The following PRDM5 variants were observed in gnomAD, a reference collection of about 807,000 sequenced individuals.
PRDM5 encodes PR/SET domain 5, also known as PR domain zinc finger protein 5.
A neutral mutation model predicts 81.2 loss-of-function variants in PRDM5; 56 were observed. The ratio of observed to expected loss-of-function variants is 0.69; its 90% CI spans 0.56 to 0.86. PRDM5 has a LOEUF of 0.86. PRDM5 is among the 40% of genes least tolerant of loss of function. The pLI is 0.00. For missense variants in PRDM5, 697 were observed against 770.1 expected (o/e 0.91, Z 1.12); for synonymous variants, 267 against 256.4 (o/e 1.04, Z -0.39).
chr4:120,779,688 G>A (rs1014202936), intron 12 of PRDM5, among the ~76,000 whole-genome samples: 1 of 152,062 alleles, frequency 6.6e-6, no homozygotes, highest in African/African-American at 2.4e-5. Context: ...CATCATTTGA[G>A]GTCAAGAGTT....
intron 13 of PRDM5, among the ~76,000 whole-genome samples, chr4:120,755,854 C>A (rs76491002): frequency 0.1 from 15,293 of 152,218 alleles, 993 homozygotes; most frequent in East Asian, 0.21. Flanking sequence ...CCCTGCCAAG[C>A]GACATTTTCC....
chr4:120,706,682 A>T lies in PRDM5; in HGVS notation c.1728+3627T>A, dbSNP rs145183084. Among the ~76,000 whole-genome samples, 364 of 117,160 alleles carry T rather than the reference A, an allele frequency of 3.1e-3. 1 individual carries two copies. The highest frequency in any genetic ancestry group is 0.011 in the African/African-American group (341 of 30,674). 76.9% of individuals were successfully genotyped at this position (117,160 alleles called of 152,430 possible). Reference sequence around the variant, plus strand: ...CTAAGAGGTTAAAGTAGTATTGATGAGTAACGTGTCATTTGGGCAAAACTG... The same window carrying T: ...CTAAGAGGTTAAAGTAGTATTGATGTGTAACGTGTCATTTGGGCAAAACTG... On this transcript the variant is annotated intron_variant, in intron 15 of 15. Transcript: ENST00000264808.
intron 2 of PRDM5, among the ~76,000 whole-genome samples, chr4:120,854,655 T>C (rs1008044366): frequency 1.3e-5 from 2 of 152,076 alleles, no homozygotes; most frequent in Admixed American, 1.3e-4. Flanking sequence ...CCAGAGCACA[T>C]GGAACTTAAA....
intron 1 of PRDM5, among the ~76,000 whole-genome samples, chr4:120,915,045 A>G (rs1723960995): frequency 6.6e-6 from 1 of 152,188 alleles, no homozygotes; most frequent in South Asian, 2.1e-4. Flanking sequence ...ATTGGATTTA[A>G]TATACATTAC....
At chr4:120,825,951 G>C (rs192987225) in intron 3 of PRDM5, among the ~76,000 whole-genome samples, 12 of 152,110 alleles carry the variant, frequency 7.9e-5, no homozygotes, top group Admixed American at 7.2e-4. Flanking sequence ...GAGAGTCCTG[G>C]GCAAACTAGG....
chr4:120,821,103 C>T lies in PRDM5; in HGVS notation c.475+68G>A, dbSNP rs542082266. The T allele has an allele frequency of 3.3e-6, 5 of 1,530,940 alleles. No individual in the cohort carries two copies. The African/African-American group carries it at 6.8e-5, about 21-fold the overall frequency. The allele number at this position is 1,530,940 out of a possible 1,614,324, so 94.8% of individuals were successfully genotyped here. Reference sequence around the variant, plus strand: ...ATATTACAAGGCAACTATAATTCAACCACAGTTTAAACTACACTTTTTTCT... The same window carrying T: ...ATATTACAAGGCAACTATAATTCAATCACAGTTTAAACTACACTTTTTTCT... On this transcript the variant is annotated intron_variant, in intron 4 of 15. Transcript: ENST00000264808.
intron 3 of PRDM5, among the ~76,000 whole-genome samples, chr4:120,839,981 G>A (rs1463192120): frequency 6.6e-6 from 1 of 152,242 alleles, no homozygotes; most frequent in Admixed American, 6.5e-5. Flanking sequence ...GCCCCACATT[G>A]CTCTGAGATC....
In PRDM5 at chr4:120,686,346, T is replaced by C. The variant is rs191564642; in HGVS notation, n.104-1321A>G. Among the ~76,000 whole-genome samples the C allele has an allele frequency of 7.9e-5, 12 of 152,282 alleles. No homozygotes were observed. In the East Asian group the frequency reaches 2.3e-3, roughly 29 times the overall value. ...AATTGTGGACTTATATAGCTTTGAG[T>C]ATCAACTAAAATATATTTTGTAACT... On this transcript the variant is annotated intron_variant and non_coding_transcript_variant, in intron 1 of 1. Transcript: ENST00000513741.
intron 14 of PRDM5, among the ~76,000 whole-genome samples, chr4:120,744,295 A>T (rs1742621140): frequency 1.3e-5 from 2 of 152,344 alleles, no homozygotes; most frequent in East Asian, 3.9e-4. Context: ...GTAGAGAGAA[A>T]TTTATAGCAC....
At chr4:120,917,939 C>CAAG (rs1273002455) in intron 1 of PRDM5, among the ~76,000 whole-genome samples, 2 of 152,120 alleles carry the variant, frequency 1.3e-5, no homozygotes, top group Non-Finnish European at 2.9e-5. Flanking sequence ...ATGTAACCTT[C>CAAG]CTCAACATCA....
At chr4:120,686,969 A>G, downstream of PRDM5, among the ~76,000 whole-genome samples, 1 of 152,026 alleles carries the variant, frequency 6.6e-6, no homozygotes, top group East Asian at 1.9e-4. Context: ...TTGTAATATG[A>G]CCTCCAGTAA....
At chr4:120,698,149 T>C (rs1262933746) in intron 15 of PRDM5, among the ~76,000 whole-genome samples, 3 of 147,052 alleles carry the variant, frequency 2.0e-5, no homozygotes, top group Admixed American at 6.7e-5. Context: ...AGTTGGGTGA[T>C]GGTTCCATGT....
intron 2 of PRDM5, among the ~76,000 whole-genome samples, chr4:120,859,273 C>T (rs938206609): frequency 5.3e-5 from 8 of 151,478 alleles, no homozygotes; most frequent in Admixed American, 1.3e-4. Flanking sequence ...TGGCACAGCA[C>T]CATCATGGCT....
chr4:120,920,835 C>G (rs1307470747), intron 1 of PRDM5, among the ~76,000 whole-genome samples: 1 of 152,038 alleles, frequency 6.6e-6, no homozygotes, highest in Admixed American at 6.6e-5. Flanking sequence ...AAAAGATAAG[C>G]ATTTATCATT....
chr4:120,862,762 G>T (rs1014316131), intron 2 of PRDM5, among the ~76,000 whole-genome samples: 1 of 152,128 alleles, frequency 6.6e-6, no homozygotes, highest in Non-Finnish European at 1.5e-5. Context: ...TAGGGAGAAG[G>T]CATCTATGAG....
chr4:120,770,998 T>C (rs147019880), intron 13 of PRDM5, among the ~76,000 whole-genome samples: 83 of 152,284 alleles, frequency 5.5e-4, no homozygotes, highest in African/African-American at 2.0e-3. Flanking sequence ...TACAAAAATA[T>C]ATCCTTCTGT....
intron 1 of PRDM5, among the ~76,000 whole-genome samples, chr4:120,912,332 C>T (rs1766615267): frequency 3.3e-5 from 5 of 152,094 alleles, no homozygotes; most frequent in Admixed American, 2.6e-4. Flanking sequence ...AGCATCACTC[C>T]ATAATGTATT....
chr4:120,838,915 C>G (rs1578938795), intron 3 of PRDM5: 1 of 395,800 alleles, frequency 2.5e-6, no homozygotes, highest in Non-Finnish European at 4.7e-6. Flanking sequence ...AGTGTGGGGT[C>G]TGGCCAATGC....
intron 14 of PRDM5, among the ~76,000 whole-genome samples, chr4:120,712,440 T>C (rs1737143701): frequency 6.6e-6 from 1 of 152,172 alleles, no homozygotes; most frequent in Non-Finnish European, 1.5e-5. Context: ...GAGACATACA[T>C]CTGCCCACCA....
Sources: allele counts gnomAD v4.1 joint callset (sites outside exome capture counted in the v4.1 genomes callset), GRCh38; gene constraint gnomAD v4.1.1; transcripts MANE v1.5; gene names NCBI Gene and HGNC (gene_info 2026-07-23, HGNC 2026-07-21).